The following CIT variants were observed in gnomAD, a reference collection of about 807,000 sequenced individuals.
CIT encodes citron rho-interacting serine/threonine kinase.
Under a neutral mutation model 272.7 loss-of-function variants are expected in CIT, and 79 were observed. The ratio of observed to expected loss-of-function variants is 0.29; its 90% CI spans 0.24 to 0.35. CIT has a LOEUF of 0.35. Among genes scored for constraint, CIT ranks in the 10% least tolerant of loss-of-function variants. The pLI, the probability that CIT is intolerant of heterozygous loss-of-function variation, is 1.00. For synonymous variants in CIT, 948 were observed against 995.6 expected (o/e 0.95, Z 0.90); for missense variants, 1,909 against 2,618.3 (o/e 0.73, Z 5.91).
At chr12:119,715,840 C>T (rs1427139795) in intron 32 of CIT, among the ~76,000 whole-genome samples, 2 of 152,114 alleles carry the variant, frequency 1.3e-5, no homozygotes, top group Non-Finnish European at 2.9e-5. Flanking sequence ...GCTTTAAGAA[C>T]ATGTTACTGG....
chr12:119,845,423 C>T (rs1969723489), intron 5 of CIT, among the ~76,000 whole-genome samples: 1 of 152,080 alleles, frequency 6.6e-6, no homozygotes, highest in Non-Finnish European at 1.5e-5. Flanking sequence ...GAGGCTGAGG[C>T]AGGCGGATCA....
Position 119,772,845 on chromosome 12 carries a change from G to A in CIT, c.2007C>T (p.Ala669=), listed in dbSNP as rs112550001. Residue 669 remains alanine (A), a synonymous_variant, in exon 17 of 48, where the codon GCC becomes GCT. Coordinates refer to ENST00000392521, the MANE Select transcript of CIT (RefSeq NM_001206999.2). ...TCTGCAGCTTCTCCAGCTCCCTCTC[G>A]GCTCGCTCCTTTGCCTGGCGGATAT... is the stretch of plus-strand genomic sequence containing the variant. ...LQNIRQAKER[A]ERELEKLQNR... 218 of 1,613,966 alleles carry A rather than the reference G, an allele frequency of 1.4e-4. 1 individual carries two copies. In the African/African-American group the frequency reaches 2.1e-3, roughly 16 times the overall value.
rs755309204 is a variant in CIT, at chr12:119,718,447, G to A, written c.4004-38C>T. On this transcript the variant is annotated intron_variant, in intron 31 of 47. Coordinates refer to ENST00000392521, the MANE Select transcript of CIT (RefSeq NM_001206999.2). This position sits in a 1 kb window ranked among gnomAD's most constrained non-coding sequence, Gnocchi z 4.8. The stretch of plus-strand genomic sequence containing the variant: ...CAGGACAATGCCTTTTGGTTAGCTG[G>A]GTCGCCTAGAGGACCAAACTAAGCC... 32 of 1,576,488 alleles carry A rather than the reference G, an allele frequency of 2.0e-5. No individual in the cohort carries two copies. In the African/African-American group the frequency reaches 4.2e-4, roughly 21 times the overall value.
At chr12:119,764,758 A>T (rs1389410473) in intron 19 of CIT, among the ~76,000 whole-genome samples, 1 of 152,220 alleles carries the variant, frequency 6.6e-6, no homozygotes, top group African/African-American at 2.4e-5. Context: ...GAAAATATTT[A>T]AAAAGGCTAA....
At chr12:119,801,726 T>C (rs888385433) in intron 10 of CIT, among the ~76,000 whole-genome samples, 3 of 152,088 alleles carry the variant, frequency 2.0e-5, no homozygotes, top group Admixed American at 6.6e-5. Flanking sequence ...TGGCAAAACC[T>C]CCCAATCCTG....
intron 9 of CIT, among the ~76,000 whole-genome samples, chr12:119,816,941 C>G (rs1481915318): frequency 2.0e-5 from 3 of 152,204 alleles, no homozygotes. Flanking sequence ...GCAATTCACA[C>G]AACAGCCCCC....
intron 32 of CIT, 47 bp from the exon 33 acceptor site, chr12:119,714,381 C>T (rs780756678): frequency 1.3e-6 from 2 of 1,591,646 alleles, no homozygotes; most frequent in South Asian, 1.1e-5. Context: ...GCAAATGATC[C>T]CATCAGGAAA....
intron 10 of CIT, among the ~76,000 whole-genome samples, 157 bp from the exon 11 acceptor site, chr12:119,785,222 C>T (rs930555749): frequency 6.6e-6 from 1 of 152,174 alleles, no homozygotes; most frequent in African/African-American, 2.4e-5. Flanking sequence ...ATGCCCATGT[C>T]CTGATCTCTG....
intron 43 of CIT, 50 bp downstream of exon 43, chr12:119,701,574 C>T: frequency 6.3e-7 from 1 of 1,599,432 alleles, no homozygotes; most frequent in Non-Finnish European, 8.5e-7. Flanking sequence ...CTCATGGGTC[C>T]CTAGTGTCCA....
At position 119,712,508 on chromosome 12, in the gene CIT, T is replaced by A. The variant is rs1222608458; in HGVS notation, c.4684+83A>T. ...ATGGGCCTCCTTTGCAGAGCCAATC[T>A]TCCCTGTACCACCCCTTCTGTCCCT... is the stretch of plus-strand genomic sequence containing the variant. On this transcript the variant is annotated intron_variant, in intron 36 of 47. Coordinates refer to ENST00000392521, the MANE Select transcript of CIT (RefSeq NM_001206999.2). The surrounding 1 kb of genome is among the most constrained non-coding windows in gnomAD (Gnocchi z 5.2). The A allele has an allele frequency of 1.4e-6, 2 of 1,428,820 alleles. No homozygotes were observed. The highest frequency in any genetic ancestry group is 3.6e-5 in the Admixed American group (2 of 55,192). 88.5% of individuals were successfully genotyped at this position (1,428,820 alleles called of 1,614,324 possible). A position where few individuals can be genotyped will look rare whatever the true frequency, so the allele number is the denominator to read the frequency against.
chr12:119,876,314 G>A, intron 1 of CIT, 133 bp from the exon 2 acceptor site: 2 of 581,294 alleles, frequency 3.4e-6, no homozygotes, highest in South Asian at 4.2e-5. Context: ...AGGAAGCTCA[G>A]TCTAATCATG....
At chr12:119,720,781 T>C (rs1957782259) in intron 29 of CIT, among the ~76,000 whole-genome samples, 196 bp from the exon 30 acceptor site, 1 of 152,200 alleles carries the variant, frequency 6.6e-6, no homozygotes, top group Non-Finnish European at 1.5e-5. Flanking sequence ...GATAAATATG[T>C]GAAAAAGTAA....
chr12:119,741,154 TA>T (rs55710729), intron 24 of CIT, among the ~76,000 whole-genome samples: 42,437 of 138,652 alleles, frequency 0.31, 6,115 homozygotes, highest in Middle Eastern at 0.37. Flanking sequence ...CACACAGTGA[TA>T]AAAAAAAAAA....
At chr12:119,765,718 C>T (rs1261705222) in intron 19 of CIT, among the ~76,000 whole-genome samples, 3 of 151,844 alleles carry the variant, frequency 2.0e-5, no homozygotes, top group Non-Finnish European at 4.4e-5. Flanking sequence ...GTGATTCACC[C>T]ATCTCGGCCT....
At position 119,871,861 on chromosome 12, in the gene CIT, G is replaced by C. The variant is rs147204515; in HGVS notation, c.97-2660C>G. On this transcript the variant is annotated intron_variant, in intron 2 of 47. Transcript: ENST00000392521. The stretch of plus-strand genomic sequence containing the variant: ...AACAGAATGAGACCCTGGTCCCCAA[G>C]AGAGTCAGACCTCAATCAGGTTTGG... Among the ~76,000 whole-genome samples, 412 of 152,226 alleles carry C rather than the reference G, an allele frequency of 2.7e-3. 2 individuals are homozygous for C. The highest frequency in any genetic ancestry group is 9.4e-3 in the African/African-American group (392 of 41,536).
intron 41 of CIT, among the ~76,000 whole-genome samples, chr12:119,702,597 G>C (rs755690686): frequency 1.3e-4 from 20 of 152,070 alleles, no homozygotes; most frequent in Non-Finnish European, 2.1e-4. Context: ...TGAGGCAGGA[G>C]AATCGCTCAA....
intron 28 of CIT, among the ~76,000 whole-genome samples, chr12:119,726,259 C>T (rs1380004390): frequency 1.3e-5 from 2 of 151,946 alleles, no homozygotes; most frequent in African/African-American, 4.8e-5. Flanking sequence ...CACTCTGTCA[C>T]CCAGGCTACA....
intron 22 of CIT, among the ~76,000 whole-genome samples, chr12:119,755,647 C>T (rs1277361238): frequency 6.6e-6 from 1 of 152,216 alleles, no homozygotes; most frequent in African/African-American, 2.4e-5. Flanking sequence ...GCCCTCGTGT[C>T]AGGAACAGGT....
At chr12:119,753,336 A>G (rs1368161745) in intron 22 of CIT, among the ~76,000 whole-genome samples, 3 of 152,192 alleles carry the variant, frequency 2.0e-5, no homozygotes, top group African/African-American at 7.2e-5. Flanking sequence ...CCCGAAGCCC[A>G]TAGGGGTGAA....
Sources: gnomAD v4.1 joint callset for allele counts (sites outside exome capture counted in the v4.1 genomes callset) on GRCh38, gnomAD v4.1.1 for gene constraint, Gnocchi (gnomAD v3.1) non-coding constraint, MANE v1.5 for transcripts, NCBI Gene and HGNC (gene_info 2026-07-23, HGNC 2026-07-21) for gene names.